The following DRC4 variants were observed in gnomAD, a reference collection of about 807,000 sequenced individuals.
DRC4 encodes GAS-11.
the DRC4 span, chr16:90,040,155 A>G: frequency 1.3e-6 from 1 of 764,262 alleles, no homozygotes; most frequent in Non-Finnish European, 2.2e-6. Flanking sequence ...AGTGTGGACA[A>G]CACACTGACC....
the DRC4 span, among the ~76,000 whole-genome samples, chr16:90,021,673 T>C: frequency 1.3e-5 from 2 of 151,814 alleles, no homozygotes; most frequent in African/African-American, 4.8e-5. Flanking sequence ...TTGAGACCAC[T>C]CTGGGCAATA....
chr16:90,036,168 C>A, the DRC4 span: 2 of 592,196 alleles, frequency 3.4e-6, no homozygotes, highest in Non-Finnish European at 2.9e-6. Flanking sequence ...CTGTCACTGG[C>A]AAAGGCAGGC....
At chr16:90,020,258 C>G in the DRC4 span, 4 of 424,864 alleles carry the variant, frequency 9.4e-6, no homozygotes, top group African/African-American at 2.1e-5. Context: ...GGGAGCACAG[C>G]TTGAGCTCAG....
At chr16:90,044,025 T>G in the DRC4 span, 1 of 433,122 alleles carries the variant, frequency 2.3e-6, no homozygotes. Flanking sequence ...TATAAGGGGA[T>G]AGCAGCAAAC....
At chr16:90,029,213 C>T in the DRC4 span, 3 of 1,363,198 alleles carry the variant, frequency 2.2e-6, no homozygotes, top group Non-Finnish European at 2.9e-6. Context: ...GGGCAGGCTA[C>T]GGGGCAGGCC....
At chr16:90,020,214 T>C in the DRC4 span, 1 of 477,422 alleles carries the variant, frequency 2.1e-6, no homozygotes, top group Non-Finnish European at 3.7e-6. Context: ...CATTGACTCA[T>C]GCCTGTAATC....
At chr16:90,034,394 A>G in the DRC4 span, among the ~76,000 whole-genome samples, 1 of 152,102 alleles carries the variant, frequency 6.6e-6, no homozygotes, top group Non-Finnish European at 1.5e-5. Flanking sequence ...GAGGCCGAGG[A>G]GGGTGTATCA....
the DRC4 span, chr16:90,044,917 A>G: frequency 4.6e-6 from 1 of 218,482 alleles, no homozygotes; most frequent in Non-Finnish European, 9.3e-6. Flanking sequence ...TTCTCTATGC[A>G]TAAGTATATT....
At chr16:90,021,168 C>G in the DRC4 span, among the ~76,000 whole-genome samples, 1 of 152,232 alleles carries the variant, frequency 6.6e-6, no homozygotes, top group African/African-American at 2.4e-5. Flanking sequence ...ACAATCAGGA[C>G]TTAGGTGGGC....
chr16:90,033,363 C>T, the DRC4 span, among the ~76,000 whole-genome samples: 2 of 152,158 alleles, frequency 1.3e-5, no homozygotes, highest in East Asian at 1.9e-4. Context: ...TTCCAGGGCA[C>T]CATTAAAATT....
At chr16:90,039,887 A>G in the DRC4 span, 1 of 273,330 alleles carries the variant, frequency 3.7e-6, no homozygotes, top group African/African-American at 2.2e-5. Flanking sequence ...CCAAGGGAGC[A>G]TATCCTCCAA....
chr16:90,021,304 C>G, the DRC4 span, among the ~76,000 whole-genome samples: 1 of 152,220 alleles, frequency 6.6e-6, no homozygotes, highest in African/African-American at 2.4e-5. Context: ...CTAGGTCCAC[C>G]AGGCCTTCTT....
chr16:90,036,468 A>C, the DRC4 span: 1 of 1,614,220 alleles, frequency 6.2e-7, no homozygotes, highest in Non-Finnish European at 8.5e-7. Flanking sequence ...GAAGTGGAGG[A>C]GAGGAAGAAT....
chr16:90,027,792 G>A, the DRC4 span: 5 of 1,408,308 alleles, frequency 3.6e-6, no homozygotes, highest in Admixed American at 3.4e-5. Context: ...TGCCTACGCC[G>A]AGTGTCCATC....
chr16:90,036,771 C>G, the DRC4 span: 1 of 710,544 alleles, frequency 1.4e-6, no homozygotes, highest in Non-Finnish European at 2.5e-6. Context: ...CTATCTCTAC[C>G]TATTGTTAAA....
chr16:90,037,478 G>GCCAA, the DRC4 span: 1 of 1,483,428 alleles, frequency 6.7e-7, no homozygotes, highest in Non-Finnish European at 9.1e-7. Context: ...CACAGGGAGG[G>GCCAA]GCTTGGCCCT....
the DRC4 span, among the ~76,000 whole-genome samples, chr16:90,028,174 T>TTTTTC: frequency 2.7e-5 from 1 of 37,292 alleles, no homozygotes; most frequent in Non-Finnish European, 7.7e-5. Context: ...TAATCGTTCA[T>TTTTTC]TTTTTTTTTT....
the DRC4 span, among the ~76,000 whole-genome samples, chr16:90,021,856 C>CAAAA: frequency 1.7e-4 from 5 of 28,938 alleles, no homozygotes; most frequent in African/African-American, 4.0e-4. Context: ...ACCCTGTCTC[C>CAAAA]AAAAAAAAAA....
chr16:90,040,309 G>A, the DRC4 span: 8 of 1,584,952 alleles, frequency 5.0e-6, no homozygotes, highest in Non-Finnish European at 6.0e-6. Context: ...GGTGCAGCAG[G>A]AGCGGGACGA....
Sources: gnomAD v4.1 joint callset for allele counts (sites outside exome capture counted in the v4.1 genomes callset) on GRCh38, gnomAD v4.1.1 for gene constraint, MANE v1.5 for transcripts, NCBI Gene and HGNC (gene_info 2026-07-23, HGNC 2026-07-21) for gene names.